Variants in TRAP1 observed in about 807,000 individuals in gnomAD.
TRAP1 encodes heat shock protein 75 kDa, mitochondrial.
Under a neutral mutation model 89.1 loss-of-function variants are expected in TRAP1, and 102 were observed. The ratio of observed to expected loss-of-function variants is 1.15; its 90% confidence interval spans 0.98 to 1.35. The LOEUF (loss-of-function observed/expected upper bound fraction) is 1.35. Ranked by LOEUF, TRAP1 falls within the 40% of genes most tolerant of loss-of-function variation. The pLI, the probability that TRAP1 is intolerant of heterozygous loss-of-function variation, is 0.00. For synonymous variants in TRAP1, 508 were observed against 388.0 expected (o/e 1.31, Z -3.64); for missense variants, 1,256 against 945.3 (o/e 1.33, Z -4.31).
intron 1 of TRAP1, among the ~76,000 whole-genome samples, chr16:3,699,408 G>C (rs879486212): frequency 1.3e-5 from 2 of 152,074 alleles, no homozygotes; most frequent in Admixed American, 6.5e-5. Flanking sequence ...AGGCCGAGGC[G>C]GGTGGATCAC....
In TRAP1 at chr16:3,693,051, C is replaced by T. The variant is rs562983954; in HGVS notation, c.89-2066G>A. On this transcript the variant is annotated intron_variant, in intron 1 of 17. Transcript: ENST00000246957. The stretch of plus-strand genomic sequence containing the variant: ...CACTGCAACCTCCATCTTCTGGGTT[C>T]AAGCGATTCTCCTGTCTCAGCCTCC... Among the ~76,000 whole-genome samples the T allele has an allele frequency of 2.6e-5, 4 of 152,114 alleles. No homozygotes were observed. In the South Asian group the frequency reaches 8.3e-4, roughly 32 times the overall value.
chr16:3,658,521 A>C, intron 17 of TRAP1: 1 of 568,598 alleles, frequency 1.8e-6, no homozygotes, highest in Non-Finnish European at 3.1e-6. Context: ...CATCTCTACT[A>C]AAATACAAAA....
chr16:3,715,333 G>A (rs1025335845), intron 1 of TRAP1, among the ~76,000 whole-genome samples: 1 of 152,116 alleles, frequency 6.6e-6, no homozygotes, highest in African/African-American at 2.4e-5. Flanking sequence ...AGCTACTCGG[G>A]AGGCTGAGGC....
rs117968684 is a variant in TRAP1 at position 3,688,172 on chromosome 16, G to A, written c.330+883C>T. Among the ~76,000 whole-genome samples, 659 of 151,916 alleles carry A rather than the reference G, an allele frequency of 4.3e-3. 2 individuals are homozygous for A. Among genetic ancestry groups the A allele is most frequent in the Non-Finnish European group, 7.9e-3 (534 of 67,958 alleles). ...TGTCACCCCAAATGAGTTTTGCGGG[G>A]TTTTTTTTAATAGAGATGGGGTCTC... is the stretch of plus-strand genomic sequence containing the variant. On this transcript the variant is annotated intron_variant, in intron 3 of 17. Transcript: ENST00000246957.
chr16:3,681,390 G>A (rs2051071588), intron 4 of TRAP1, among the ~76,000 whole-genome samples: 1 of 152,192 alleles, frequency 6.6e-6, no homozygotes, highest in Admixed American at 6.5e-5. Flanking sequence ...AGGGAGACTG[G>A]CCAGCTGTCA....
Position 3,662,213 on chromosome 16 carries a change from C to A in TRAP1, c.1795-81G>T. 6 of 1,522,450 alleles carry A rather than the reference C, an allele frequency of 3.9e-6. No homozygotes were observed. The South Asian group carries it at 5.0e-5, about 13-fold the overall frequency. 94.3% of individuals were successfully genotyped at this position (1,522,450 alleles called of 1,614,324 possible). The stretch of plus-strand genomic sequence containing the variant: ...GCAGGATCTTACCAGGGGTGAAGGT[C>A]ACCCAGACCACGAGGTAGCAGGCGG... On this transcript the variant is annotated intron_variant, in intron 15 of 17. Transcript: ENST00000246957.
intron 1 of TRAP1, among the ~76,000 whole-genome samples, chr16:3,703,931 A>C (rs958789231): frequency 8.7e-5 from 13 of 149,572 alleles, no homozygotes; most frequent in Middle Eastern, 3.4e-3. Context: ...AGGAGAATGG[A>C]GTGAACGCGG....
intron 1 of TRAP1, among the ~76,000 whole-genome samples, chr16:3,709,227 CA>C (rs58859365): frequency 0.51 from 41,643 of 82,290 alleles, 7,740 homozygotes; most frequent in African/African-American, 0.67. Context: ...AACTCCATCT[CA>C]AAAAAAAAAA....
At chr16:3,673,570 A>C (rs1179328186) in intron 9 of TRAP1, among the ~76,000 whole-genome samples, 1 of 139,046 alleles carries the variant, frequency 7.2e-6, no homozygotes, top group East Asian at 2.4e-4. Flanking sequence ...GGATCCGGTT[A>C]AAATGCGGGG....
rs143604516 is a variant in TRAP1, at chr16:3,708,319, C to T, written c.88+9102G>A. 5.8e-3 allele frequency among the ~76,000 whole-genome samples: 879 copies of T among 152,078 alleles called. 7 individuals are homozygous for T. The highest frequency in any genetic ancestry group is 0.017 in the Middle Eastern group (5 of 294). On this transcript the variant is annotated intron_variant, in intron 1 of 17. Transcript: ENST00000246957. The stretch of plus-strand genomic sequence containing the variant: ...TGGCCAACATGGCAAAACCCTGTCT[C>T]TACTAAAAATACAAAAAAAAACAAA...
intron 1 of TRAP1, among the ~76,000 whole-genome samples, chr16:3,713,757 G>GTCTT (rs1419863340): frequency 1.3e-5 from 2 of 152,162 alleles, no homozygotes; most frequent in African/African-American, 2.4e-5. Flanking sequence ...ATCTTTCCAG[G>GTCTT]TCTTCCCTCT....
chr16:3,662,938 C>A lies in TRAP1; in HGVS notation c.1738G>T (p.Glu580Ter), dbSNP rs1258602306. 6.2e-7 allele frequency: 1 copy of A among 1,612,486 alleles called. No individual in the cohort carries two copies. Among genetic ancestry groups the A allele is most frequent in the African/African-American group, 1.3e-5 (1 of 74,936 alleles). The change falls in exon 15 of 18, where the codon GAG (glutamate) becomes TAG (stop). Residue 580 changes from glutamate to a stop codon, truncating the protein, a stop_gained. Transcript: ENST00000246957. LOFTEE classifies it high-confidence loss of function. ...AAECLSEKET[E>*]ELMAWMRNVL... is the part of the protein sequence containing the mutation. Reference sequence around the variant, plus strand: ...TTTCTCATCCAGGCCATGAGCTCCTCCGTCTCCTTCTCTGATAGGCACTCG... The same window carrying A: ...TTTCTCATCCAGGCCATGAGCTCCTACGTCTCCTTCTCTGATAGGCACTCG...
intron 1 of TRAP1, among the ~76,000 whole-genome samples, chr16:3,697,850 G>A (rs906261504): frequency 2.0e-5 from 3 of 150,798 alleles, no homozygotes; most frequent in African/African-American, 7.3e-5. Context: ...GTGAAATGGC[G>A]TGATCTCGGC....
At chr16:3,658,653 C>T in intron 17 of TRAP1, 140 bp downstream of exon 17, 3 of 829,500 alleles carry the variant, frequency 3.6e-6, no homozygotes, top group South Asian at 1.8e-5. Flanking sequence ...AGCCTGGCAA[C>T]AGAGCAACAC....
chr16:3,713,015 C>T (rs1286159929), intron 1 of TRAP1, among the ~76,000 whole-genome samples: 1 of 152,214 alleles, frequency 6.6e-6, no homozygotes, highest in African/African-American at 2.4e-5. Flanking sequence ...CCACACCTTC[C>T]TCTGCCGTCT....
At chr16:3,705,883 G>T (rs1022014619) in intron 1 of TRAP1, among the ~76,000 whole-genome samples, 5 of 151,700 alleles carry the variant, frequency 3.3e-5, no homozygotes, top group African/African-American at 1.2e-4. Flanking sequence ...AGTAGAGACG[G>T]GGTTTCTCCA....
Position 3,675,337 on chromosome 16 carries a change from A to G in TRAP1, c.875T>C (p.Met292Thr), listed in dbSNP as rs138084708. ...SFPLYLNGRR[M>T]NTLQAIWMMD... is the part of the protein sequence containing the mutation. ...CTCAGGGCTCACCTGCAAGGTGTTC[A>G]TCCGCCTTCCATTCAAGTACAAGGG... is the stretch of plus-strand genomic sequence containing the variant. The change falls in exon 8 of 18, where the codon ATG becomes ACG. Residue 292 changes from methionine (M) to threonine (T), a missense_variant. Met to Thr is a moderately conservative substitution (Grantham distance 81). Transcript: ENST00000246957. 134 of 1,613,952 alleles carry G rather than the reference A, an allele frequency of 8.3e-5. No homozygotes were observed. The highest frequency in any genetic ancestry group is 1.1e-4 in the Non-Finnish European group (131 of 1,179,942).
intron 1 of TRAP1, among the ~76,000 whole-genome samples, chr16:3,710,032 C>T (rs1331297021): frequency 2.6e-5 from 4 of 152,230 alleles, no homozygotes; most frequent in Non-Finnish European, 5.9e-5. Context: ...CTCTGGCATT[C>T]TCAACACTCA....
chr16:3,712,496 C>G (rs1201327491), intron 1 of TRAP1, among the ~76,000 whole-genome samples: 1 of 152,054 alleles, frequency 6.6e-6, no homozygotes, highest in Non-Finnish European at 1.5e-5. Context: ...GCTGCATTCC[C>G]TCTCTTCCTG....
Sources: gnomAD v4.1 joint callset for allele counts (sites outside exome capture counted in the v4.1 genomes callset) on GRCh38, gnomAD v4.1.1 for gene constraint, MANE v1.5 for transcripts, NCBI Gene and HGNC (gene_info 2026-07-23, HGNC 2026-07-21) for gene names.